The following KANK1 variants were observed in gnomAD, a reference collection of about 807,000 sequenced individuals.
KANK1 encodes the protein KN motif and ankyrin repeat domains 1, also known as KN motif and ankyrin repeat domain-containing protein 1.
In KANK1, 109 loss-of-function variants were observed where a neutral mutation model predicts 106.2. The ratio of observed to expected loss-of-function variants is 1.03; its 90% CI spans 0.88 to 1.20. KANK1 has a LOEUF of 1.20. KANK1 is among the 50% of genes most tolerant of loss of function. The probability of loss-of-function intolerance (pLI) is 0.00; values close to 1 mark genes in which losing one functional copy is unlikely to be tolerated. For synonymous variants in KANK1, 873 were observed against 652.2 expected, an observed-to-expected ratio of 1.34 and a Z score of -5.16; for missense variants, 2,399 against 1,710.7, an observed-to-expected ratio of 1.40 and a Z score of -7.10.
In KANK1 at chr9:626,199, C is replaced by T. The variant is rs1297111371; in HGVS notation, c.-83-50691C>T. On this transcript the variant is annotated intron_variant, in intron 1 of 11. Transcript: ENST00000382297. ...CATTGTGCGTCCGGGTGCAGTGGTT[C>T]ATGCCTGTAATCCCAGCACTTTAGG... 2.0e-5 allele frequency among the ~76,000 whole-genome samples: 3 copies of T among 152,142 alleles called. 1 individual carries two copies. Among genetic ancestry groups the T allele is most frequent in the African/African-American group, 4.8e-5 (2 of 41,416 alleles).
intron 2 of KANK1, chr9:470,781 CCCTTT>C (rs1251338838): frequency 1.3e-5 from 2 of 152,424 alleles, no homozygotes. Context: ...AAGCTTCTTT[CCCTTT>C]CCTTCCCACC....
chr9:722,982 G>A (rs1329858091), intron 3 of KANK1, among the ~76,000 whole-genome samples: 1 of 152,174 alleles, frequency 6.6e-6, no homozygotes, highest in Admixed American at 6.5e-5. Context: ...GGAATGGTTG[G>A]AATGGTATCA....
At chr9:640,845 C>G (rs962715955) in intron 1 of KANK1, among the ~76,000 whole-genome samples, 4 of 151,584 alleles carry the variant, frequency 2.6e-5, no homozygotes, top group African/African-American at 9.7e-5. Flanking sequence ...TACATGTGCC[C>G]GCCACCAGGC....
intron 1 of KANK1, among the ~76,000 whole-genome samples, chr9:531,467 C>G (rs1193117688): frequency 1.3e-5 from 2 of 152,138 alleles, no homozygotes; most frequent in African/African-American, 4.8e-5. Context: ...AATTTGGGAT[C>G]AAGATCGGCT....
chr9:514,223 C>T (rs1436511396), intron 1 of KANK1, among the ~76,000 whole-genome samples: 4 of 86,434 alleles, frequency 4.6e-5, no homozygotes, highest in Non-Finnish European at 8.0e-5. Context: ...TCCCTCCCTT[C>T]CTCCCTCCCT....
At chr9:567,140 A>G (rs1818007032) in intron 1 of KANK1, among the ~76,000 whole-genome samples, 1 of 152,144 alleles carries the variant, frequency 6.6e-6, no homozygotes, top group Non-Finnish European at 1.5e-5. Context: ...TTTGTCAAAG[A>G]TCAGATAGTT....
At chr9:716,721 T>A (rs1003336829) in intron 3 of KANK1, among the ~76,000 whole-genome samples, 11 of 152,250 alleles carry the variant, frequency 7.2e-5, no homozygotes, top group Non-Finnish European at 1.5e-5. Flanking sequence ...TGCTTAACAC[T>A]ATATTTAATT....
chr9:571,968 G>A (rs989650833), intron 1 of KANK1, among the ~76,000 whole-genome samples: 1 of 152,118 alleles, frequency 6.6e-6, no homozygotes, highest in Non-Finnish European at 1.5e-5. Flanking sequence ...GGGTGTAGGT[G>A]CAGAACAACT....
intron 3 of KANK1, chr9:477,912 T>G (rs139302807): frequency 1.9e-5 from 3 of 154,284 alleles, no homozygotes; most frequent in African/African-American, 2.4e-5. Context: ...GGTGCCCTGG[T>G]GGAAAACTGG....
intron 3 of KANK1, among the ~76,000 whole-genome samples, chr9:713,730 C>T (rs1029085765): frequency 5.3e-5 from 8 of 152,126 alleles, no homozygotes; most frequent in Admixed American, 2.0e-4. Context: ...TAGAGGTTGT[C>T]TTCTGGGGCT....
intron 1 of KANK1, among the ~76,000 whole-genome samples, chr9:616,273 C>T (rs548621554): frequency 1.3e-5 from 2 of 152,242 alleles, no homozygotes; most frequent in South Asian, 4.1e-4. Context: ...TTTCAGCAGT[C>T]ACTTCAGTGA....
At chr9:663,178 G>A (rs1448764400) in intron 1 of KANK1, among the ~76,000 whole-genome samples, 1 of 151,652 alleles carries the variant, frequency 6.6e-6, no homozygotes. Flanking sequence ...AATGAGAACT[G>A]TACATTTAAA....
rs3028166 is a variant in KANK1 at position 598,620 on chromosome 9, C to CTTTTTTTTTTTTTTTTTTTTTTTTTTTT, written c.-83-78267_-83-78240dup. ...TTTTTTGTTTTGTTTTGTTGGTTTT[C>CTTTTTTTTTTTTTTTTTTTTTTTTTTTT]TTTTTTTTTTTTTTTTTTTTTTTTT... is the stretch of plus-strand genomic sequence containing the variant. On this transcript the variant is annotated intron_variant, in intron 1 of 11. Transcript: ENST00000382297. Among the ~76,000 whole-genome samples the CTTTTTTTTTTTTTTTTTTTTTTTTTTTT allele has an allele frequency of 8.6e-5, 4 of 46,660 alleles. 1 individual carries two copies. Among genetic ancestry groups the CTTTTTTTTTTTTTTTTTTTTTTTTTTTT allele is most frequent in the African/African-American group, 6.8e-5 (1 of 14,796 alleles). 30.6% of individuals were successfully genotyped at this position (46,660 alleles called of 152,430 possible). A position where few individuals can be genotyped will look rare whatever the true frequency, so the allele number is the denominator to read the frequency against.
At chr9:499,047 G>A (rs928108199) in intron 3 of KANK1, among the ~76,000 whole-genome samples, 3 of 151,888 alleles carry the variant, frequency 2.0e-5, no homozygotes, top group African/African-American at 7.3e-5. Context: ...GCGTGGTGGC[G>A]AGCGCCTGTA....
chr9:602,501 G>T (rs1334087101), intron 1 of KANK1, among the ~76,000 whole-genome samples: 1 of 151,474 alleles, frequency 6.6e-6, no homozygotes, highest in Non-Finnish European at 1.5e-5. Context: ...CTCATGATCC[G>T]CCTGCCTCAG....
chr9:738,532 T>G, intron 8 of KANK1, 28 bp downstream of exon 8: 8 of 1,557,348 alleles, frequency 5.1e-6, no homozygotes, highest in African/African-American at 1.4e-5. Flanking sequence ...CCACCCTCTC[T>G]TCTCTAACAG....
intron 3 of KANK1, among the ~76,000 whole-genome samples, chr9:485,019 C>T (rs1239860801): frequency 6.6e-6 from 1 of 152,192 alleles, no homozygotes; most frequent in Non-Finnish European, 1.5e-5. Flanking sequence ...CAGAGAGGCC[C>T]TGGAAGCCTG....
rs758517866 is a variant in KANK1, at chr9:712,441, G to C, written c.1675G>C (p.Val559Leu). 6.2e-7 allele frequency: 1 copy of C among 1,614,164 alleles called. No individual in the cohort carries two copies. The change falls in exon 3 of 12, where the codon GTC becomes CTC. Residue 559 changes from valine to leucine, a missense_variant. Val to Leu is a conservative substitution (Grantham distance 32, BLOSUM62 1). Coordinates refer to ENST00000382297, the MANE Select transcript of KANK1 (RefSeq NM_015158.5). ...ISCQPECKNK[V>L]VGPELPMNWW... is the part of the protein sequence containing the mutation. ...CTGCCAGCCTGAATGTAAGAATAAA[G>C]TCGTAGGGCCTGAGCTGCCTATGAA...
At chr9:715,841 C>A (rs1827541870) in intron 3 of KANK1, among the ~76,000 whole-genome samples, 1 of 152,148 alleles carries the variant, frequency 6.6e-6, no homozygotes, top group African/African-American at 2.4e-5. Context: ...CAGAGTATTC[C>A]ATTTTTGTTA....
Sources: allele counts gnomAD v4.1 joint callset (sites outside exome capture counted in the v4.1 genomes callset), GRCh38; gene constraint gnomAD v4.1.1; transcripts MANE v1.5; gene names NCBI Gene and HGNC (gene_info 2026-07-23, HGNC 2026-07-21).